The following KDELR3 variants were observed in gnomAD, a reference collection of about 807,000 sequenced individuals.
KDELR3 encodes ER lumen protein-retaining receptor 3.
Under a neutral mutation model 22.7 loss-of-function variants are expected in KDELR3, and 26 were observed. That is an observed-to-expected ratio of 1.15 (90% CI 0.84 to 1.59). KDELR3 has a LOEUF of 1.59. Among genes scored for constraint, KDELR3 ranks in the 40% most tolerant of loss-of-function variants. KDELR3 has a pLI of 0.00. For synonymous variants in KDELR3, 120 were observed against 98.2 expected, an observed-to-expected ratio of 1.22 and a Z score of -1.31; for missense variants, 289 against 251.1, an observed-to-expected ratio of 1.15 and a Z score of -1.02.
intron 4 of KDELR3, 95 bp downstream of exon 4, chr22:38,481,559 G>A (rs188924956): frequency 6.4e-7 from 1 of 1,574,362 alleles, no homozygotes; most frequent in African/African-American, 1.3e-5. Flanking sequence ...GAACAGTCAA[G>A]TCTCTGCCAT....
In KDELR3 at chr22:38,482,574, G is replaced by A. The variant is rs1311666385; in HGVS notation, c.*38G>A. 3.9e-6 allele frequency: 6 copies of A among 1,548,118 alleles called. No homozygotes were observed. Among genetic ancestry groups the A allele is most frequent in the Non-Finnish European group, 4.5e-6 (5 of 1,122,860 alleles). On this transcript the variant is annotated 3_prime_UTR_variant, in exon 5 of 5. Coordinates refer to ENST00000216014, the MANE Select transcript of KDELR3 (RefSeq NM_006855.4). ...ACAGTCTACGCCTTAACAAGCACAT[G>A]AAGGAAACTATTTTGAATGTTCTCT...
intron 2 of KDELR3, 151 bp downstream of exon 2, chr22:38,474,774 C>T: frequency 1.5e-6 from 1 of 649,746 alleles, no homozygotes; most frequent in East Asian, 2.8e-5. Flanking sequence ...TCATCTTGGG[C>T]CTCTTTGTAT....
intron 2 of KDELR3, among the ~76,000 whole-genome samples, chr22:38,475,914 G>A (rs1465098408): frequency 1.3e-5 from 2 of 152,162 alleles, no homozygotes; most frequent in Non-Finnish European, 2.9e-5. Flanking sequence ...GATTATGGGT[G>A]TGAGCCACCA....
At chr22:38,472,207 G>C (rs1204476409) in intron 1 of KDELR3, among the ~76,000 whole-genome samples, 1 of 152,162 alleles carries the variant, frequency 6.6e-6, no homozygotes, top group Admixed American at 6.5e-5. Flanking sequence ...TCCGGGCACA[G>C]TGGCTTACGC....
At chr22:38,474,700 A>T in intron 2 of KDELR3, 77 bp downstream of exon 2, 1 of 1,260,292 alleles carries the variant, frequency 7.9e-7, no homozygotes, top group Non-Finnish European at 1.2e-6. Context: ...TTGGAAACTC[A>T]TTCTGTGGAG....
At chr22:38,478,466 C>G (rs749637301) in intron 2 of KDELR3, among the ~76,000 whole-genome samples, 1 of 135,998 alleles carries the variant, frequency 7.4e-6, no homozygotes, top group Non-Finnish European at 1.5e-5. Flanking sequence ...ATCCAGGAGG[C>G]GGAGGTTGCA....
intron 4 of KDELR3, chr22:38,481,763 G>A: frequency 1.3e-6 from 1 of 785,874 alleles, no homozygotes; most frequent in Non-Finnish European, 1.8e-6. Context: ...CCAGCTTGGT[G>A]TGATGGACAA....
At position 38,482,546 on chromosome 22, in the gene KDELR3, G is replaced by A; in HGVS notation, c.*10G>A. 6.2e-7 allele frequency: 1 copy of A among 1,609,068 alleles called. No homozygotes were observed. ...TCCAATGCCAATCTGAGGACCTTCA[G>A]AGACAGTCTACGCCTTAACAAGCAC... On this transcript the variant is annotated 3_prime_UTR_variant, in exon 5 of 5. Coordinates refer to ENST00000216014, the MANE Select transcript of KDELR3 (RefSeq NM_006855.4).
intron 2 of KDELR3, 52 bp downstream of exon 2, chr22:38,474,675 T>G (rs1016234785): frequency 6.9e-7 from 1 of 1,447,644 alleles, no homozygotes; most frequent in Non-Finnish European, 9.7e-7. Flanking sequence ...CCCCACAAAC[T>G]GTGAGGTAGC....
chr22:38,482,459 G>C (rs202174798), intron 4 of KDELR3, 37 bp from the exon 5 acceptor site: 20 of 1,541,154 alleles, frequency 1.3e-5, no homozygotes, highest in South Asian at 7.8e-5. Flanking sequence ...CCTTTCATCA[G>C]ATGGTAAATT....
Position 38,483,239 on chromosome 22 carries a change from A to T in KDELR3, c.*703A>T, listed in dbSNP as rs1437796227. On this transcript the variant is annotated 3_prime_UTR_variant, in exon 5 of 5. Transcript: ENST00000216014. ...CACTGTTTTACTTATGAGCAGATAC[A>T]GATATATCCAAACCCTTACCTACTA... 2.0e-5 allele frequency: 3 copies of T among 152,310 alleles called. No individual in the cohort carries two copies. The highest frequency in any genetic ancestry group is 7.2e-5 in the African/African-American group (3 of 41,526). The allele number at this position is 152,310 out of a possible 1,614,324, so 9.4% of individuals were successfully genotyped here.
chr22:38,476,454 G>A (rs948986602), intron 2 of KDELR3, among the ~76,000 whole-genome samples: 3 of 152,284 alleles, frequency 2.0e-5, no homozygotes, highest in South Asian at 2.1e-4. Flanking sequence ...TCCTGACCTT[G>A]TTATCTGCCC....
At position 38,481,475 on chromosome 22, in the gene KDELR3, G is replaced by A; in HGVS notation, c.604+11G>A. The A allele has an allele frequency of 9.3e-6, 15 of 1,614,054 alleles. No individual in the cohort carries two copies. The highest frequency in any genetic ancestry group is 1.3e-5 in the Non-Finnish European group (15 of 1,180,018). ...TGTATGTGACCAAAGGTAGGTCCTG[G>A]GATGACAGCAATGCTGACACTGGCC... On this transcript the variant is annotated intron_variant, in intron 4 of 4. Transcript: ENST00000216014.
In KDELR3 at chr22:38,468,150, G is replaced by GC. The variant is rs1040439211; in HGVS notation, c.-82dup. 134 of 1,240,290 alleles carry GC rather than the reference G, an allele frequency of 1.1e-4. No individual in the cohort carries two copies. The African/African-American group carries it at 1.6e-3, about 15-fold the overall frequency. 76.8% of individuals were successfully genotyped at this position (1,240,290 alleles called of 1,614,324 possible). On this transcript the variant is annotated 5_prime_UTR_variant, in exon 1 of 5. Transcript: ENST00000216014. ...GGCTCTGGGGCACCTAGAGACCGGG[G>GC]CCGGAGACGTGGCAGCCGCCCTGCC...
intron 1 of KDELR3, among the ~76,000 whole-genome samples, chr22:38,471,232 A>G (rs1186808178): frequency 2.6e-5 from 4 of 152,192 alleles, no homozygotes; most frequent in Admixed American, 1.3e-4. Context: ...GGGGACTGGC[A>G]GGCTGAGGAT....
At chr22:38,468,712 T>C (rs2089503654) in intron 1 of KDELR3, among the ~76,000 whole-genome samples, 1 of 152,030 alleles carries the variant, frequency 6.6e-6, no homozygotes. Flanking sequence ...CTCAAGGTCT[T>C]CTCTTCCCTG....
rs183745594 is a variant in KDELR3, at chr22:38,478,729, G to A, written c.193-864G>A. Reference sequence around the variant, plus strand: ...ATGATCTCGGCTCACTGCAACCTCTGCCTCCCGGGTTCAAGCGATTCTCCT... The same window carrying A: ...ATGATCTCGGCTCACTGCAACCTCTACCTCCCGGGTTCAAGCGATTCTCCT... On this transcript the variant is annotated intron_variant, in intron 2 of 4. Coordinates refer to ENST00000216014, the MANE Select transcript of KDELR3 (RefSeq NM_006855.4). Among the ~76,000 whole-genome samples the A allele has an allele frequency of 3.3e-3, 417 of 126,728 alleles. 1 individual carries two copies. The highest frequency in any genetic ancestry group is 0.014 in the South Asian group (49 of 3,608). The allele number at this position is 126,728 out of a possible 152,430, so 83.1% of individuals were successfully genotyped here.
intron 1 of KDELR3, among the ~76,000 whole-genome samples, chr22:38,471,623 C>T (rs1241561820): frequency 6.6e-6 from 1 of 152,212 alleles, no homozygotes; most frequent in Non-Finnish European, 1.5e-5. Flanking sequence ...CCAGCACATT[C>T]TCCAGAATGT....
chr22:38,472,071 CAGCACAGTAGT>C (rs1420993676), intron 1 of KDELR3, among the ~76,000 whole-genome samples: 3 of 152,194 alleles, frequency 2.0e-5, no homozygotes, highest in Non-Finnish European at 4.4e-5. Flanking sequence ...CTGAATTAGA[CAGCACAGTAGT>C]TCCCCCTTAT....
Sources: gnomAD v4.1 joint callset for allele counts (sites outside exome capture counted in the v4.1 genomes callset) on GRCh38, gnomAD v4.1.1 for gene constraint, MANE v1.5 for transcripts, NCBI Gene and HGNC (gene_info 2026-07-23, HGNC 2026-07-21) for gene names.